The following GLO1 variants were observed in gnomAD, a reference collection of about 807,000 sequenced individuals.
The protein encoded by GLO1 is lactoylglutathione lyase.
In GLO1, 28 loss-of-function variants were observed where a neutral mutation model predicts 26.0. The ratio of observed to expected loss-of-function variants is 1.08; its 90% confidence interval spans 0.80 to 1.48. GLO1 has a LOEUF of 1.48. Among genes scored for constraint, GLO1 ranks in the 40% most tolerant of loss-of-function variants. GLO1 has a pLI of 0.00. For missense variants in GLO1, 225 were observed against 224.8 expected, an observed-to-expected ratio of 1.00 and a Z score of -0.01; for synonymous variants, 78 against 77.6, an observed-to-expected ratio of 1.00 and a Z score of -0.03.
intron 1 of GLO1, among the ~76,000 whole-genome samples, chr6:38,696,920 CTTT>C (rs71744977): frequency 3.6e-5 from 5 of 140,054 alleles, no homozygotes; most frequent in Admixed American, 1.4e-4. Context: ...AAGCCTTCTT[CTTT>C]TTTTTTTTTT....
intron 1 of GLO1, among the ~76,000 whole-genome samples, chr6:38,702,400 C>A (rs1420619824): frequency 6.6e-6 from 1 of 152,190 alleles, no homozygotes; most frequent in Non-Finnish European, 1.5e-5. Flanking sequence ...TCTAAGATTC[C>A]TTTCAGATCC....
intron 1 of GLO1, among the ~76,000 whole-genome samples, chr6:38,690,517 A>G (rs1376872703): frequency 1.3e-5 from 2 of 152,088 alleles, no homozygotes; most frequent in Admixed American, 6.6e-5. Flanking sequence ...AATATATAAA[A>G]TGGTATATTA....
intron 5 of GLO1, 85 bp downstream of exon 5, chr6:38,681,927 G>A (rs1350206795): frequency 2.1e-5 from 16 of 748,540 alleles, no homozygotes; most frequent in Middle Eastern, 4.7e-4. Flanking sequence ...GTAGCCAAAA[G>A]GGTTTTACTA....
intron 5 of GLO1, among the ~76,000 whole-genome samples, chr6:38,679,409 C>T (rs941914961): frequency 3.3e-5 from 5 of 152,098 alleles, no homozygotes; most frequent in Admixed American, 6.5e-5. Flanking sequence ...GTGATCCTCC[C>T]GAACCTCCCA....
chr6:38,686,186 T>G (rs1470803276), intron 2 of GLO1, among the ~76,000 whole-genome samples: 1 of 152,222 alleles, frequency 6.6e-6, no homozygotes, highest in African/African-American at 2.4e-5. Flanking sequence ...ATTTTGTATT[T>G]TTCTGAACTG....
intron 2 of GLO1, among the ~76,000 whole-genome samples, chr6:38,685,263 G>A (rs1021544473): frequency 6.6e-6 from 1 of 152,132 alleles, no homozygotes; most frequent in African/African-American, 2.4e-5. Context: ...AAATATTCTG[G>A]AACAAAGAAG....
In GLO1 at chr6:38,684,361, A is replaced by C; in HGVS notation, c.308+13T>G. The C allele has an allele frequency of 1.5e-6, 2 of 1,311,192 alleles. No individual in the cohort carries two copies. The highest frequency in any genetic ancestry group is 4.1e-5 in the South Asian group (2 of 48,682). 81.2% of individuals were successfully genotyped at this position (1,311,192 alleles called of 1,614,324 possible). On this transcript the variant is annotated intron_variant, in intron 3 of 5. Transcript: ENST00000373365. The stretch of plus-strand genomic sequence containing the variant: ...AATCTATAATATATATAAATATAGA[A>C]ACTCATACTCACTGTGTCAGCTCAA...
Position 38,682,064 on chromosome 6 carries a change from A to G in GLO1, c.414T>C (p.Ala138=). The change falls in exon 5 of 6, where the codon GCT becomes GCC. Residue 138 remains alanine, a synonymous_variant. Coordinates refer to ENST00000373365, the MANE Select transcript of GLO1 (RefSeq NM_006708.3). ...IGIAVPDVYS[A]CKRFEELGVK... ...CTCCCAGTTCTTCAAACCTTTTACA[A>G]GCACTGTATACATCAGGAACAGCAA... 1.9e-6 allele frequency: 3 copies of G among 1,597,044 alleles called. No homozygotes were observed. Among genetic ancestry groups the G allele is most frequent in the Non-Finnish European group, 2.6e-6 (3 of 1,164,438 alleles).
chr6:38,687,705 CTACT>C (rs1382347891), intron 1 of GLO1, among the ~76,000 whole-genome samples: 1 of 152,156 alleles, frequency 6.6e-6, no homozygotes, highest in African/African-American at 2.4e-5. Context: ...ATTAATAATT[CTACT>C]TAGGACTTAA....
At chr6:38,698,244 A>T (rs1035412850) in intron 1 of GLO1, among the ~76,000 whole-genome samples, 3 of 151,978 alleles carry the variant, frequency 2.0e-5, no homozygotes, top group African/African-American at 7.2e-5. Flanking sequence ...TGTTACCCGT[A>T]GGTCCCTGCC....
chr6:38,701,366 C>CTCCACGTGGTAT (rs11268732), intron 1 of GLO1, among the ~76,000 whole-genome samples: 101,525 of 151,670 alleles, frequency 0.67, 34,542 homozygotes, highest in African/African-American at 0.8. Context: ...CATTTTATGT[C>CTCCACGTGGTAT]TCCCATGGCC....
intron 1 of GLO1, among the ~76,000 whole-genome samples, chr6:38,694,835 CTT>C (rs1474781299): frequency 2.0e-5 from 3 of 152,192 alleles, no homozygotes; most frequent in Non-Finnish European, 4.4e-5. Context: ...AATCACAACT[CTT>C]TTATCACTGT....
intron 5 of GLO1, among the ~76,000 whole-genome samples, chr6:38,677,611 T>G (rs988922855): frequency 1.6e-4 from 24 of 152,160 alleles, no homozygotes; most frequent in Middle Eastern, 3.4e-3. Flanking sequence ...AGGCGGGATC[T>G]CAATGTACTG....
chr6:38,686,967 A>G lies in GLO1; in HGVS notation c.92T>C (p.Leu31Pro). 1 of 1,600,056 alleles carries G rather than the reference A, an allele frequency of 6.2e-7. No individual in the cohort carries two copies. Among genetic ancestry groups the G allele is most frequent in the East Asian group, 2.2e-5 (1 of 44,802 alleles). The change falls in exon 2 of 6, where the codon CTA becomes CCA. Residue 31 changes from leucine (L) to proline (P), a missense_variant. By Grantham distance (98) the Leu-to-Pro change is moderately conservative. Transcript: ENST00000373365. Reference protein sequence around the residue: ...SDADPSTKDFLLQQTMLRVKD... With the variant: ...SDADPSTKDFPLQQTMLRVKD... ...CACTCGTAGCATGGTCTGCTGCAAT[A>G]GAAAATCCTATGGAAAAATATTTAT...
intron 1 of GLO1, among the ~76,000 whole-genome samples, chr6:38,699,023 T>C (rs1274204276): frequency 1.3e-5 from 2 of 152,172 alleles, no homozygotes; most frequent in Non-Finnish European, 2.9e-5. Context: ...CAAAGCTGTC[T>C]CCACAATCTG....
At chr6:38,696,039 T>C (rs990083654) in intron 1 of GLO1, among the ~76,000 whole-genome samples, 1 of 152,214 alleles carries the variant, frequency 6.6e-6, no homozygotes, top group Non-Finnish European at 1.5e-5. Flanking sequence ...ATATATCATG[T>C]CCAGAGTTTT....
chr6:38,702,547 G>C (rs1761719746), intron 1 of GLO1, among the ~76,000 whole-genome samples: 1 of 152,198 alleles, frequency 6.6e-6, no homozygotes, highest in Non-Finnish European at 1.5e-5. Flanking sequence ...GATCAAATTA[G>C]TTTGCAGGAG....
chr6:38,677,525 T>C (rs1408257832), intron 5 of GLO1, 142 bp from the exon 6 acceptor site: 3 of 600,466 alleles, frequency 5.0e-6, no homozygotes, highest in Non-Finnish European at 8.8e-6. Context: ...AGGCTTGACC[T>C]CCTGAGCTCA....
At chr6:38,694,565 G>T (rs750580118) in intron 1 of GLO1, among the ~76,000 whole-genome samples, 1 of 152,034 alleles carries the variant, frequency 6.6e-6, no homozygotes, top group Non-Finnish European at 1.5e-5. Context: ...TGTAGCCCCA[G>T]CTCCTTGGGA....
Sources: allele counts gnomAD v4.1 joint callset (sites outside exome capture counted in the v4.1 genomes callset), GRCh38; gene constraint gnomAD v4.1.1; transcripts MANE v1.5; gene names NCBI Gene and HGNC (gene_info 2026-07-23, HGNC 2026-07-21).